ACAP1: variants seen among roughly 807,000 people sequenced by gnomAD.
The protein encoded by ACAP1 is ArfGAP with coiled-coil, ankyrin repeat and PH domains 1.
A neutral mutation model predicts 98.8 loss-of-function variants in ACAP1; 45 were observed. The observed-to-expected ratio is 0.46, with a 90% CI of 0.36 to 0.58. The LOEUF (loss-of-function observed/expected upper bound fraction) is 0.58. ACAP1 is among the 20% of genes least tolerant of loss of function. The pLI is 0.00. For synonymous variants in ACAP1, 362 were observed against 375.3 expected, an observed-to-expected ratio of 0.96 and a Z score of 0.41; for missense variants, 735 against 971.4, an observed-to-expected ratio of 0.76 and a Z score of 3.24.
Position 7,347,231 on chromosome 17 carries a change from C to T in ACAP1, c.1332C>T (p.Ser444=), listed in dbSNP as rs113992416. The T allele has an allele frequency of 4.2e-5, 67 of 1,612,120 alleles. No homozygotes were observed. Among genetic ancestry groups the T allele is most frequent in the South Asian group, 2.9e-4 (26 of 90,886 alleles). The change falls in exon 14 of 22, where the codon TCC becomes TCT. Residue 444 remains serine, a synonymous_variant. Coordinates refer to ENST00000158762, the MANE Select transcript of ACAP1 (RefSeq NM_014716.4). ...NLGVTLCIQC[S]GIHRSLGVHF... The stretch of plus-strand genomic sequence containing the variant: ...GTGTCACCCTCTGCATTCAGTGTTC[C>T]GGCATCCACAGGTTACTCCACAAGG...
intron 10 of ACAP1, 66 bp from the exon 11 acceptor site, chr17:7,346,178 C>G: frequency 6.6e-7 from 1 of 1,504,454 alleles, no homozygotes; most frequent in South Asian, 1.1e-5. Context: ...GGGCAAAAAG[C>G]ACAGCCTCTC....
At position 7,348,340 on chromosome 17, in the gene ACAP1, G is replaced by T. The variant is rs774245075; in HGVS notation, c.1543G>T (p.Val515Leu). The change falls in exon 17 of 22, where the codon GTG becomes TTG. Residue 515 changes from valine to leucine, a missense_variant. This residue lies in a region of ACAP1 where 81 missense variants were observed against 132.0 expected (regional missense o/e 0.61). Transcript: ENST00000158762. ...EKEAWIHAKY[V>L]EKKFLTKLPE... The stretch of plus-strand genomic sequence containing the variant: ...GGAGGCCTGGATTCACGCTAAATAC[G>T]TGGAGAAGAAGTTCCTGACCAAGCT... 6 of 1,575,064 alleles carry T rather than the reference G, an allele frequency of 3.8e-6. No individual in the cohort carries two copies. Among genetic ancestry groups the T allele is most frequent in the Non-Finnish European group, 5.2e-6 (6 of 1,159,538 alleles).
chr17:7,348,714 G>C (rs1174523639), intron 17 of ACAP1: 1 of 585,076 alleles, frequency 1.7e-6, no homozygotes. Context: ...GAGAGAGAGG[G>C]GGTGGGTTTG....
Position 7,350,338 on chromosome 17 carries a change from T to G in ACAP1, c.2072+101T>G. On this transcript the variant is annotated intron_variant, in intron 20 of 21. Transcript: ENST00000158762. This position sits in a 1 kb window ranked among gnomAD's most constrained non-coding sequence, Gnocchi z 4.6. The stretch of plus-strand genomic sequence containing the variant: ...CGGGGCTGACGCCGAAACAGAAGCC[T>G]GTGCTGTGGGGCCTCGGAAAGGGGC... The G allele has an allele frequency of 2.0e-6, 2 of 984,144 alleles. No individual in the cohort carries two copies. The highest frequency in any genetic ancestry group is 3.0e-6 in the Non-Finnish European group (2 of 669,906). The allele number at this position is 984,144 out of a possible 1,614,324, so 61.0% of individuals were successfully genotyped here.
At chr17:7,340,750 G>T (rs553639303) in intron 2 of ACAP1, among the ~76,000 whole-genome samples, 1 of 152,192 alleles carries the variant, frequency 6.6e-6, no homozygotes, top group Non-Finnish European at 1.5e-5. Flanking sequence ...GGAGGCTGAG[G>T]CAGGAGGATC....
Position 7,343,091 on chromosome 17 carries a change from C to CAAA in ACAP1, c.345-286_345-285insAAA, listed in dbSNP as rs2073306779. 1 of 338,800 alleles carries CAAA rather than the reference C, an allele frequency of 3.0e-6. No individual in the cohort carries two copies. Among genetic ancestry groups the CAAA allele is most frequent in the Non-Finnish European group, 5.4e-6 (1 of 185,490 alleles). 21.0% of individuals were successfully genotyped at this position (338,800 alleles called of 1,614,324 possible). On this transcript the variant is annotated intron_variant, in intron 5 of 21. Coordinates refer to ENST00000158762, the MANE Select transcript of ACAP1 (RefSeq NM_014716.4). The surrounding 1 kb of genome is among the most constrained non-coding windows in gnomAD (Gnocchi z 4.9). ...CAAGACCCGGTCTCAAAAACAAAAA[C>CAAA]AACAACAACAACAAAAATTTTTTAA...
chr17:7,351,258 G>C (rs772945900), intron 21 of ACAP1, 37 bp from the exon 22 acceptor site: 228 of 1,557,946 alleles, frequency 1.5e-4, no homozygotes, highest in Non-Finnish European at 2.0e-4. Flanking sequence ...TCTGCACTGG[G>C]GCCCAGCCGC....
chr17:7,341,534 G>A (rs1447728954), intron 2 of ACAP1, among the ~76,000 whole-genome samples: 2 of 152,164 alleles, frequency 1.3e-5, no homozygotes, highest in East Asian at 3.9e-4. Context: ...GAGCCACCAC[G>A]CCCGGCCAAT....
intron 1 of ACAP1, 92 bp downstream of exon 1, chr17:7,336,879 G>A: frequency 7.0e-7 from 1 of 1,423,462 alleles, no homozygotes; most frequent in Non-Finnish European, 9.9e-7. Context: ...CTCCTTCCAG[G>A]GAGCAGGCCT....
rs747336812 is a variant in ACAP1 at position 7,342,296 on chromosome 17, G to A, written c.253G>A (p.Val85Met). 29 of 1,613,980 alleles carry A rather than the reference G, an allele frequency of 1.8e-5. No homozygotes were observed. The highest frequency in any genetic ancestry group is 3.3e-5 in the South Asian group (3 of 91,078). ...MMAECLEKFT[V>M]SLNHKLDSHA... ...CTAGGAGTGTCTGGAAAAATTCACC[G>A]TGAGCCTGAACCACAAGCTGGACAG... The change falls in exon 4 of 22, where the codon GTG (valine) becomes ATG (methionine). Residue 85 changes from valine to methionine, a missense_variant. Physicochemically the swap from Val to Met is conservative, Grantham distance 21. Around this residue, in one of 5 missense-constraint regions of ACAP1, gnomAD observed 430 missense variants for 531.8 expected, o/e 0.81. Transcript: ENST00000158762.
chr17:7,338,182 C>G (rs528868548), intron 2 of ACAP1, among the ~76,000 whole-genome samples: 2 of 152,248 alleles, frequency 1.3e-5, no homozygotes, highest in South Asian at 4.2e-4. Context: ...AACAAATTGT[C>G]ACAAATTTAG....
At chr17:7,347,853 G>GAGC (rs1237965206) in intron 14 of ACAP1, 69 bp from the exon 15 acceptor site, 1 of 1,381,486 alleles carries the variant, frequency 7.2e-7, no homozygotes, top group Non-Finnish European at 1.0e-6. Context: ...GTGTCTTCAG[G>GAGC]AGCAGCAGCA....
At chr17:7,337,253 G>A in intron 1 of ACAP1, 59 bp from the exon 2 acceptor site, 1 of 1,550,686 alleles carries the variant, frequency 6.4e-7, no homozygotes, top group South Asian at 1.1e-5. Context: ...CATCCCGCCT[G>A]ATGAGGCAGA....
chr17:7,345,571 G>T (rs111942610), intron 10 of ACAP1: 1 of 152,146 alleles, frequency 6.6e-6, no homozygotes, highest in African/African-American at 2.4e-5. Flanking sequence ...CAATCCACCC[G>T]CCTCGGCCTC....
rs1454659506 is a variant in ACAP1, at chr17:7,351,420, T to G, written c.*25T>G. 1 of 1,560,524 alleles carries G rather than the reference T, an allele frequency of 6.4e-7. No homozygotes were observed. The highest frequency in any genetic ancestry group is 1.8e-5 in the Admixed American group (1 of 56,444). Reference sequence around the variant, plus strand: ...ACCCGAGGCCCACGGGGCCCGCGCCTGCCTCCCTTCCCCGCCACCGGGCCC... The same window carrying G: ...ACCCGAGGCCCACGGGGCCCGCGCCGGCCTCCCTTCCCCGCCACCGGGCCC... On this transcript the variant is annotated 3_prime_UTR_variant, in exon 22 of 22. Transcript: ENST00000158762.
intron 14 of ACAP1, 94 bp downstream of exon 14, chr17:7,347,336 T>C: frequency 1.7e-6 from 2 of 1,204,350 alleles, no homozygotes; most frequent in Non-Finnish European, 2.3e-6. Flanking sequence ...CTTCCTTCCC[T>C]GTCCTGGCTT....
At chr17:7,348,605 T>C in intron 17 of ACAP1, 130 bp downstream of exon 17, 1 of 1,061,408 alleles carries the variant, frequency 9.4e-7, no homozygotes, top group Non-Finnish European at 1.3e-6. Context: ...GGACTGCCGT[T>C]TCAGGGGTTA....
chr17:7,348,313 A>G lies in ACAP1; in HGVS notation c.1516A>G (p.Lys506Glu), dbSNP rs1468014295. Residue 506 changes from lysine to glutamate, a missense_variant, in exon 17 of 22, where the codon AAG becomes GAG. Lys to Glu is a moderately conservative substitution (Grantham distance 56). Coordinates refer to ENST00000158762, the MANE Select transcript of ACAP1 (RefSeq NM_014716.4). ...KPGPSCSRQE[K>E]EAWIHAKYVE... ...GCTTCTCCCCTCCCACAGGCAGGAG[A>G]AGGAGGCCTGGATTCACGCTAAATA... 3 of 1,585,902 alleles carry G rather than the reference A, an allele frequency of 1.9e-6. No homozygotes were observed. Among genetic ancestry groups the G allele is most frequent in the East Asian group, 2.2e-5 (1 of 44,516 alleles).
In ACAP1 at chr17:7,350,819, C is replaced by T. The variant is rs963649461; in HGVS notation, c.2073-131C>T. ...TAGAGACGGGGTTTCACCATGTTGG[C>T]CAGGACGGTCTCGATCTCCTGACCT... On this transcript the variant is annotated intron_variant, in intron 20 of 21. Transcript: ENST00000158762. This position sits in a 1 kb window ranked among gnomAD's most constrained non-coding sequence, Gnocchi z 4.6. 6.1e-6 allele frequency: 5 copies of T among 825,674 alleles called. No homozygotes were observed. The highest frequency in any genetic ancestry group is 1.5e-5 in the South Asian group (1 of 65,708). 51.1% of individuals were successfully genotyped at this position (825,674 alleles called of 1,614,324 possible).
Sources: allele counts gnomAD v4.1 joint callset (sites outside exome capture counted in the v4.1 genomes callset), GRCh38; gene constraint gnomAD v4.1.1; regional missense constraint gnomAD v4.1.1; non-coding constraint Gnocchi (gnomAD v3.1); transcripts MANE v1.5; gene names NCBI Gene and HGNC (gene_info 2026-07-23, HGNC 2026-07-21).